The following KLHL26 variants were observed in gnomAD, a reference collection of about 807,000 sequenced individuals.
The protein encoded by KLHL26 is kelch like family member 26.
KLHL26 carries 4 observed loss-of-function variants against 7.1 expected under a neutral mutation model. The observed-to-expected ratio is 0.56, with a 90% CI of 0.28 to 1.28. The LOEUF is 1.28. Ranked by LOEUF, KLHL26 falls within the 50% of genes most tolerant of loss-of-function variation. The pLI, the probability that KLHL26 is intolerant of heterozygous loss-of-function variation, is 0.11. For synonymous variants in KLHL26, 465 were observed against 414.1 expected, an observed-to-expected ratio of 1.12 and a Z score of -1.49; for missense variants, 896 against 924.6, an observed-to-expected ratio of 0.97 and a Z score of 0.40.
chr19:18,670,146 G>A lies in KLHL26; in HGVS notation c.*901G>A, dbSNP rs78124432. The A allele has an allele frequency of 0.082, 12,424 of 152,256 alleles. 569 individuals are homozygous for A. Among genetic ancestry groups the A allele is most frequent in the Middle Eastern group, 0.16 (48 of 296 alleles). 9.4% of individuals were successfully genotyped at this position (152,256 alleles called of 1,614,324 possible). ...TCCTCCCTCCTTTCCACCCCTCCGC[G>A]CCCTGCCACTCCCTGGCCTGCCCTG... On this transcript the variant is annotated 3_prime_UTR_variant, in exon 3 of 3. Transcript: ENST00000300976.
intron 2 of KLHL26, among the ~76,000 whole-genome samples, chr19:18,665,615 C>T (rs553636896): frequency 3.9e-4 from 60 of 152,344 alleles, no homozygotes; most frequent in Admixed American, 9.1e-4. Flanking sequence ...ACTTCCCCAA[C>T]GTGACAGAAG....
chr19:18,657,565 G>T (rs1367755259), intron 1 of KLHL26, among the ~76,000 whole-genome samples: 8 of 151,536 alleles, frequency 5.3e-5, no homozygotes, highest in Non-Finnish European at 1.2e-4. Flanking sequence ...TCTGTTTCTG[G>T]GTCTCTGTCT....
rs978400861 is a variant in KLHL26 at position 18,650,983 on chromosome 19, G to C, written c.84-13278G>C. Among the ~76,000 whole-genome samples the C allele has an allele frequency of 6.6e-6, 1 of 152,088 alleles. No individual in the cohort carries two copies. Among genetic ancestry groups the C allele is most frequent in the South Asian group, 2.1e-4 (1 of 4,808 alleles). On this transcript the variant is annotated intron_variant, in intron 1 of 2. Coordinates refer to ENST00000300976, the MANE Select transcript of KLHL26 (RefSeq NM_018316.3). The surrounding 1 kb of genome is among the most constrained non-coding windows in gnomAD (Gnocchi z 4.2). ...GCCACAGTGGTTTTTCCAGAGGCTCGTCTGGAATGCCGTGGCTGGATCTGA... is the reference window on the plus strand; with the variant it reads ...GCCACAGTGGTTTTTCCAGAGGCTCCTCTGGAATGCCGTGGCTGGATCTGA...
At position 18,648,597 on chromosome 19, in the gene KLHL26, C is replaced by T. The variant is rs1022941589; in HGVS notation, c.83+11460C>T. Among the ~76,000 whole-genome samples, 3 of 152,192 alleles carry T rather than the reference C, an allele frequency of 2.0e-5. No homozygotes were observed. Among genetic ancestry groups the T allele is most frequent in the Non-Finnish European group, 4.4e-5 (3 of 68,030 alleles). On this transcript the variant is annotated intron_variant, in intron 1 of 2. Coordinates refer to ENST00000300976, the MANE Select transcript of KLHL26 (RefSeq NM_018316.3). The surrounding 1 kb of genome is among the most constrained non-coding windows in gnomAD (Gnocchi z 4.9). Reference sequence around the variant, plus strand: ...GAGGCGCCACCTGGCCTAGGGGATTCGCAGCCCTTCCTGTGTTCCAGAAAA... The same window carrying T: ...GAGGCGCCACCTGGCCTAGGGGATTTGCAGCCCTTCCTGTGTTCCAGAAAA...
rs1354768637 is a variant in KLHL26, at chr19:18,648,402, T to C, written c.83+11265T>C. 6.6e-6 allele frequency among the ~76,000 whole-genome samples: 1 copy of C among 151,860 alleles called. No individual in the cohort carries two copies. The highest frequency in any genetic ancestry group is 2.4e-5 in the African/African-American group (1 of 41,342). On this transcript the variant is annotated intron_variant, in intron 1 of 2. Coordinates refer to ENST00000300976, the MANE Select transcript of KLHL26 (RefSeq NM_018316.3). This position sits in a 1 kb window ranked among gnomAD's most constrained non-coding sequence, Gnocchi z 4.9. ...AGAGACAAGGGACCCTCGGCCAAGG[T>C]GGGCCCTGGAGGGATGGAGAGGCAC...
chr19:18,667,530 C>T (rs761942381), intron 2 of KLHL26, 134 bp from the exon 3 acceptor site: 25 of 1,420,032 alleles, frequency 1.8e-5, no homozygotes, highest in Admixed American at 5.3e-5. Flanking sequence ...ATGAGCATTC[C>T]GCCTACTTTC....
In KLHL26 at chr19:18,667,933, C is replaced by G. The variant is rs763605370; in HGVS notation, c.536C>G (p.Ser179Trp). ...GQMATTFSLASLRESVDAFTF... is the reference protein window; with the variant it reads ...GQMATTFSLAWLRESVDAFTF... Reference sequence around the variant, plus strand: ...ATGGCCACCACCTTCAGCCTGGCCTCGCTGCGAGAGTCGGTGGATGCCTTC... The same window carrying G: ...ATGGCCACCACCTTCAGCCTGGCCTGGCTGCGAGAGTCGGTGGATGCCTTC... The change falls in exon 3 of 3, where the codon TCG becomes TGG. Residue 179 changes from serine to tryptophan, a missense_variant. Physicochemically the swap from Ser to Trp is radical, Grantham distance 177. Coordinates refer to ENST00000300976, the MANE Select transcript of KLHL26 (RefSeq NM_018316.3). 1.2e-6 allele frequency: 2 copies of G among 1,611,100 alleles called. No individual in the cohort carries two copies. Among genetic ancestry groups the G allele is most frequent in the Non-Finnish European group, 1.7e-6 (2 of 1,179,992 alleles).
At chr19:18,664,164 C>T in intron 1 of KLHL26, 97 bp from the exon 2 acceptor site, 1 of 1,148,728 alleles carries the variant, frequency 8.7e-7, no homozygotes, top group Non-Finnish European at 1.2e-6. Flanking sequence ...CACAGTGCGG[C>T]CTTTTGTGTC....
chr19:18,639,846 C>T (rs937564450), intron 1 of KLHL26, among the ~76,000 whole-genome samples: 19 of 152,082 alleles, frequency 1.2e-4, no homozygotes, highest in African/African-American at 1.4e-4. Context: ...CATACAGCCC[C>T]GGGGACATCC....
chr19:18,668,891 C>T lies in KLHL26; in HGVS notation c.1494C>T (p.Arg498=), dbSNP rs376361067. 1.7e-5 allele frequency: 28 copies of T among 1,600,060 alleles called. No individual in the cohort carries two copies. Among genetic ancestry groups the T allele is most frequent in the African/African-American group, 4.0e-5 (3 of 74,856 alleles). ...WEFKAPMSEP[R]VLHAMVGAGG... is the part of the protein sequence containing the mutation. ...TCAAGGCGCCCATGAGCGAACCCCG[C>T]GTGCTACACGCCATGGTGGGTGCCG... is the stretch of plus-strand genomic sequence containing the variant. The change falls in exon 3 of 3, where the codon CGC becomes CGT. Residue 498 remains arginine (R), a synonymous_variant. Transcript: ENST00000300976.
chr19:18,655,757 CTTTG>C (rs1015426158), intron 1 of KLHL26, among the ~76,000 whole-genome samples: 2 of 124,754 alleles, frequency 1.6e-5, no homozygotes, highest in African/African-American at 3.1e-5. Flanking sequence ...TCTTCTGGGC[CTTTG>C]TTTGGATGGT....
chr19:18,667,437 C>A, intron 2 of KLHL26: 2 of 636,502 alleles, frequency 3.1e-6, no homozygotes, highest in Non-Finnish European at 5.3e-6. Context: ...ATCTCCTGAT[C>A]TCATGATCCA....
chr19:18,647,376 A>G (rs1042353033), intron 1 of KLHL26, among the ~76,000 whole-genome samples: 2 of 151,944 alleles, frequency 1.3e-5, no homozygotes, highest in African/African-American at 4.8e-5. Flanking sequence ...ATTACTTTTT[A>G]TCTCACCCAC....
intron 1 of KLHL26, among the ~76,000 whole-genome samples, chr19:18,647,030 G>A (rs535665268): frequency 3.9e-5 from 6 of 152,314 alleles, no homozygotes; most frequent in African/African-American, 1.4e-4. Context: ...GCCCAAGAAG[G>A]GCACTGGCCC....
At position 18,646,675 on chromosome 19, in the gene KLHL26, G is replaced by C. The variant is rs1976807277; in HGVS notation, c.83+9538G>C. The stretch of plus-strand genomic sequence containing the variant: ...CATGTACCTCATCAGTGTTACTGTG[G>C]CAGTGCTGACGCCCATGATGGGGAC... On this transcript the variant is annotated intron_variant, in intron 1 of 2. Coordinates refer to ENST00000300976, the MANE Select transcript of KLHL26 (RefSeq NM_018316.3). The surrounding 1 kb of genome is among the most constrained non-coding windows in gnomAD (Gnocchi z 5.0). Among the ~76,000 whole-genome samples the C allele has an allele frequency of 6.6e-6, 1 of 152,198 alleles. No individual in the cohort carries two copies.
In KLHL26 at chr19:18,669,262, G is replaced by A. The variant is rs746670804; in HGVS notation, c.*17G>A. The A allele has an allele frequency of 1.1e-5, 17 of 1,590,532 alleles. No homozygotes were observed. Among genetic ancestry groups the A allele is most frequent in the African/African-American group, 2.7e-5 (2 of 74,386 alleles). On this transcript the variant is annotated 3_prime_UTR_variant, in exon 3 of 3. Transcript: ENST00000300976. The stretch of plus-strand genomic sequence containing the variant: ...AGGAGGTAGCCCCCAAGACCCCCGG[G>A]ACCCTGGCCTGACCGCATGTTGTCT...
chr19:18,667,588 C>T (rs2052462326), intron 2 of KLHL26, 76 bp from the exon 3 acceptor site: 1 of 1,546,178 alleles, frequency 6.5e-7, no homozygotes, highest in Admixed American at 1.9e-5. Flanking sequence ...CTACTGTTCC[C>T]CAGGCCAGAT....
At position 18,646,655 on chromosome 19, in the gene KLHL26, A is replaced by G. The variant is rs1171964960; in HGVS notation, c.83+9518A>G. Among the ~76,000 whole-genome samples the G allele has an allele frequency of 1.3e-5, 2 of 152,014 alleles. No homozygotes were observed. Among genetic ancestry groups the G allele is most frequent in the African/African-American group, 4.8e-5 (2 of 41,380 alleles). On this transcript the variant is annotated intron_variant, in intron 1 of 2. Transcript: ENST00000300976. This position sits in a 1 kb window ranked among gnomAD's most constrained non-coding sequence, Gnocchi z 5.0. ...AAACGAGTGGGGAGAGGTCACATGTACCTCATCAGTGTTACTGTGGCAGTG... is the reference window on the plus strand; with the variant it reads ...AAACGAGTGGGGAGAGGTCACATGTGCCTCATCAGTGTTACTGTGGCAGTG...
rs1568462222 is a variant in KLHL26 at position 18,664,291 on chromosome 19, C to T, written c.114C>T (p.Cys38=). 1.2e-6 allele frequency: 2 copies of T among 1,606,762 alleles called. No homozygotes were observed. ...CCGACAAGAACGGGGCCCTCAAGTG[C>T]ACCTTCTCGGCACCCAGCCACAGCA... The part of the protein sequence containing the change: ...STADKNGALK[C]TFSAPSHSTS... The change falls in exon 2 of 3, where the codon TGC becomes TGT. Residue 38 remains cysteine, a synonymous_variant. Coordinates refer to ENST00000300976, the MANE Select transcript of KLHL26 (RefSeq NM_018316.3).
Sources: allele counts gnomAD v4.1 joint callset (sites outside exome capture counted in the v4.1 genomes callset), GRCh38; gene constraint gnomAD v4.1.1; non-coding constraint Gnocchi (gnomAD v3.1); transcripts MANE v1.5; gene names NCBI Gene and HGNC (gene_info 2026-07-23, HGNC 2026-07-21).